Variants in RIOX2 observed in about 807,000 individuals in gnomAD.
The protein encoded by RIOX2 is 60S ribosomal protein L27a histidine hydroxylase.
In RIOX2, 43 loss-of-function variants were observed where a neutral mutation model predicts 51.2. The observed-to-expected ratio is 0.84, with a 90% CI of 0.66 to 1.08. The LOEUF (loss-of-function observed/expected upper bound fraction) is 1.08, where lower values mean the gene tolerates loss of function less well. Among genes scored for constraint, RIOX2 ranks in the 50% least tolerant of loss-of-function variants. The pLI is 0.00. For synonymous variants in RIOX2, 226 were observed against 218.5 expected, an observed-to-expected ratio of 1.03 and a Z score of -0.30; for missense variants, 566 against 561.7, an observed-to-expected ratio of 1.01 and a Z score of -0.08.
chr3:97,962,559 C>A (rs1012254882), intron 2 of RIOX2, among the ~76,000 whole-genome samples: 8 of 152,150 alleles, frequency 5.3e-5, no homozygotes, highest in African/African-American at 1.9e-4. Flanking sequence ...CCACTATCAA[C>A]TCTTCAGAGC....
Position 97,942,252 on chromosome 3 carries a change from A to G in RIOX2, c.*2932T>C, listed in dbSNP as rs753372656. 2 of 1,569,976 alleles carry G rather than the reference A, an allele frequency of 1.3e-6. No individual in the cohort carries two copies. Among genetic ancestry groups the G allele is most frequent in the Admixed American group, 3.5e-5 (2 of 56,954 alleles). The stretch of plus-strand genomic sequence containing the variant: ...TTCAACTTACTTTAGCAAACATACT[A>G]CTGCCAATTAATCATTTCTTAACCC... On this transcript the variant is annotated 3_prime_UTR_variant, in exon 10 of 10. Transcript: ENST00000394198.
chr3:97,961,875 A>T (rs1297781295), intron 2 of RIOX2, among the ~76,000 whole-genome samples, 167 bp from the exon 3 acceptor site: 1 of 152,224 alleles, frequency 6.6e-6, no homozygotes, highest in Non-Finnish European at 1.5e-5. Context: ...CATGGTCTCA[A>T]AAATCTTCCA....
intron 1 of RIOX2, among the ~76,000 whole-genome samples, chr3:97,970,386 A>C (rs1307941560): frequency 6.6e-6 from 1 of 152,232 alleles, no homozygotes; most frequent in Non-Finnish European, 1.5e-5. Context: ...CTGGGCAAAT[A>C]CATTATTTCT....
intron 4 of RIOX2, among the ~76,000 whole-genome samples, chr3:97,955,431 C>T (rs1457862482): frequency 6.6e-6 from 1 of 151,932 alleles, no homozygotes; most frequent in Non-Finnish European, 1.5e-5. Context: ...GAGGGCAGCT[C>T]ATCTTCTCTC....
intron 7 of RIOX2, among the ~76,000 whole-genome samples, chr3:97,947,700 T>C (rs1434234170): frequency 2.6e-5 from 4 of 152,180 alleles, no homozygotes; most frequent in Admixed American, 1.3e-4. Flanking sequence ...GTACAATAAA[T>C]AGACAAAAAT....
chr3:97,967,846 T>C (rs978991194), intron 1 of RIOX2, among the ~76,000 whole-genome samples: 1 of 152,176 alleles, frequency 6.6e-6, no homozygotes, highest in Admixed American at 6.5e-5. Flanking sequence ...AGATGACATA[T>C]TCATCTAAAG....
chr3:97,965,345 C>G (rs567913921), intron 2 of RIOX2, among the ~76,000 whole-genome samples: 7 of 152,002 alleles, frequency 4.6e-5, no homozygotes, highest in Admixed American at 4.6e-4. Flanking sequence ...AACCCTGTCT[C>G]TACTAAAAAC....
chr3:97,957,757 A>G (rs1705506535), intron 4 of RIOX2, among the ~76,000 whole-genome samples: 1 of 152,210 alleles, frequency 6.6e-6, no homozygotes. Context: ...CCGAGAGTAC[A>G]GATGGCTTAG....
At chr3:97,970,861 C>A (rs1410234984) in intron 1 of RIOX2, among the ~76,000 whole-genome samples, 1 of 152,142 alleles carries the variant, frequency 6.6e-6, no homozygotes, top group Non-Finnish European at 1.5e-5. Flanking sequence ...TTTAAAGGTA[C>A]CCTAACCTCC....
chr3:97,967,321 G>A lies in RIOX2; in HGVS notation c.273C>T (p.Ser91=), dbSNP rs899055779. The change falls in exon 2 of 10, where the codon AGC becomes AGT. Residue 91 remains serine, a synonymous_variant. Transcript: ENST00000394198. ...CATCTCTTCCATAGTACATCCCCCG[G>A]CTGCACAGACTCTTCAGATCTGTTA... ...FKLTDLKSLC[S]RGMYYGRDVN... is the part of the protein sequence containing the mutation. 11 of 1,614,012 alleles carry A rather than the reference G, an allele frequency of 6.8e-6. No individual in the cohort carries two copies. The highest frequency in any genetic ancestry group is 3.3e-4 in the Middle Eastern group (2 of 6,084).
At chr3:97,964,915 T>A (rs906855584) in intron 2 of RIOX2, among the ~76,000 whole-genome samples, 6 of 151,968 alleles carry the variant, frequency 3.9e-5, no homozygotes, top group African/African-American at 1.5e-4. Context: ...AACAACTTAT[T>A]ATGGCTCCCT....
chr3:97,965,579 C>A (rs1458682107), intron 2 of RIOX2, among the ~76,000 whole-genome samples: 1 of 151,982 alleles, frequency 6.6e-6, no homozygotes, highest in Non-Finnish European at 1.5e-5. Flanking sequence ...AAAGCTCATC[C>A]TTCCTGCTTT....
chr3:97,945,387 T>C (rs771559121), intron 9 of RIOX2, 45 bp from the exon 10 acceptor site: 2 of 1,513,962 alleles, frequency 1.3e-6, no homozygotes, highest in East Asian at 4.6e-5. Flanking sequence ...ATACTACTTA[T>C]GTCATTGAAG....
rs2107195869 is a variant in RIOX2, at chr3:97,967,184, A to C, written c.410T>G (p.Phe137Cys). 4.3e-6 allele frequency: 7 copies of C among 1,614,022 alleles called. 1 individual carries two copies. The South Asian group carries it at 6.6e-5, about 15-fold the overall frequency. The change falls in exon 2 of 10, where the codon TTT becomes TGT. Residue 137 changes from phenylalanine (F) to cysteine (C), a missense_variant. Phe to Cys is a radical substitution (Grantham distance 205, BLOSUM62 -2). Transcript: ENST00000394198. ...TACCTTAAATCTCTGAGGTTGGTGAAACTGAATCGTTGCCCTTTTCTGATC... is the reference window on the plus strand; with the variant it reads ...TACCTTAAATCTCTGAGGTTGGTGACACTGAATCGTTGCCCTTTTCTGATC... ...DFDQKRATIQ[F>C]HQPQRFKDEL... is the part of the protein sequence containing the mutation.
rs534333594 is a variant in RIOX2 at position 97,947,376 on chromosome 3, C to T, written c.1134G>A (p.Pro378=). 2.2e-5 allele frequency: 36 copies of T among 1,612,742 alleles called. No homozygotes were observed. The highest frequency in any genetic ancestry group is 2.0e-4 in the Admixed American group (12 of 60,002). Residue 378 remains proline (P), a synonymous_variant, in exon 8 of 10, where the codon CCG becomes CCA. Transcript: ENST00000394198. ...GGATACTCACAGATTGATCTTGATC[C>T]GGCAGTACTGTGAGGACAATGTGGT... The part of the protein sequence containing the change: ...FKDHIVLTVL[P]DQDQSDEAQE...
rs746503704 is a variant in RIOX2 at position 97,945,824 on chromosome 3, T to G, written c.1213A>C (p.Met405Leu). 1 of 1,610,842 alleles carries G rather than the reference T, an allele frequency of 6.2e-7. No homozygotes were observed. The highest frequency in any genetic ancestry group is 8.5e-7 in the Non-Finnish European group (1 of 1,177,450). Residue 405 changes from methionine to leucine, a missense_variant, in exon 9 of 10, where the codon ATG becomes CTG. Met to Leu is a conservative substitution (Grantham distance 15). Transcript: ENST00000394198. ...HSLKNSRETH[M>L]MGNEEETEFH... ...TCTGTTTCCTCCTCATTTCCCATCA[T>G]GTGTGTCTCTCTACTATTCTTTAAG...
chr3:97,956,652 C>T (rs1207907420), intron 4 of RIOX2, among the ~76,000 whole-genome samples: 4 of 152,060 alleles, frequency 2.6e-5, no homozygotes, highest in East Asian at 1.9e-4. Flanking sequence ...TGAGCCACCA[C>T]GCCCAGCTAA....
chr3:97,961,251 C>CA (rs1294598204), intron 3 of RIOX2, among the ~76,000 whole-genome samples: 8 of 152,140 alleles, frequency 5.3e-5, no homozygotes, highest in African/African-American at 1.9e-4. Flanking sequence ...GTGACCTCAT[C>CA]TTATTAAAGA....
intron 6 of RIOX2, 54 bp from the exon 7 acceptor site, chr3:97,950,069 G>C: frequency 6.3e-7 from 1 of 1,593,352 alleles, no homozygotes; most frequent in Non-Finnish European, 8.6e-7. Context: ...TTACTGCCCA[G>C]CTCAGTCTCC....
Sources: gnomAD v4.1 joint callset for allele counts (sites outside exome capture counted in the v4.1 genomes callset) on GRCh38, gnomAD v4.1.1 for gene constraint, MANE v1.5 for transcripts, NCBI Gene and HGNC (gene_info 2026-07-23, HGNC 2026-07-21) for gene names.